MIB1: variants seen among roughly 807,000 people sequenced by gnomAD.
MIB1 encodes the protein MIB E3 ubiquitin protein ligase 1.
MIB1 carries 278 observed loss-of-function variants against 124.5 expected under a neutral mutation model. That is an observed-to-expected ratio of 2.23 (90% CI 2.02 to 2.47). The LOEUF (loss-of-function observed/expected upper bound fraction) is 2.47, where lower values mean the gene tolerates loss of function less well. Among genes scored for constraint, MIB1 ranks in the 30% most tolerant of loss-of-function variants. The probability of loss-of-function intolerance (pLI) is 0.00; values close to 1 mark genes in which losing one functional copy is unlikely to be tolerated. For synonymous variants in MIB1, 446 were observed against 429.4 expected (o/e 1.04, Z -0.48); for missense variants, 957 against 1,254.4 (o/e 0.76, Z 3.58).
chr18:21,740,682 C>T (rs2040834995), upstream of MIB1, among the ~76,000 whole-genome samples: 2 of 152,236 alleles, frequency 1.3e-5, no homozygotes, highest in African/African-American at 2.4e-5. Flanking sequence ...CGCGCGGCAC[C>T]ACCGGGCGGC....
Position 21,847,109 on chromosome 18 carries a change from C to CA in MIB1, c.2378dup (p.His793GlnfsTer2). On this transcript the variant is annotated frameshift_variant, in exon 16 of 21. Transcript: ENST00000261537. LOFTEE classifies it high-confidence loss of function. ...TCTCTGCAAAGCACTGGCAAAGTGTCATAAGGAAAAAGTCAGGTTTGTATT... is the reference window on the plus strand; with the variant it reads ...TCTCTGCAAAGCACTGGCAAAGTGTCAATAAGGAAAAAGTCAGGTTTGTATT... 1 of 1,613,718 alleles carries CA rather than the reference C, an allele frequency of 6.2e-7. No homozygotes were observed. The highest frequency in any genetic ancestry group is 8.5e-7 in the Non-Finnish European group (1 of 1,179,854).
chr18:21,834,584 T>A (rs2042010065), intron 12 of MIB1, among the ~76,000 whole-genome samples: 1 of 152,232 alleles, frequency 6.6e-6, no homozygotes, highest in Admixed American at 6.5e-5. Flanking sequence ...GTGATGTGAT[T>A]AAATGACACT....
At chr18:21,798,041 T>C in intron 7 of MIB1, 43 bp from the exon 8 acceptor site, 1 of 1,600,712 alleles carries the variant, frequency 6.2e-7, no homozygotes, top group Non-Finnish European at 8.5e-7. Flanking sequence ...CTTTATGGTA[T>C]ATACTTTAGA....
rs2041817035 is a variant in MIB1, at chr18:21,815,058, A to AT, written c.1480-558_1480-557insT. Among the ~76,000 whole-genome samples, 3 of 84,994 alleles carry AT rather than the reference A, an allele frequency of 3.5e-5. No individual in the cohort carries two copies. The South Asian group carries it at 1.1e-3, about 31-fold the overall frequency. 55.8% of individuals were successfully genotyped at this position (84,994 alleles called of 152,430 possible). A position where few individuals can be genotyped will look rare whatever the true frequency, so the allele number is the denominator to read the frequency against. ...ATATATATATATATATATATATATA[A>AT]AATTATATATAAATGTATATATATA... On this transcript the variant is annotated intron_variant, in intron 10 of 20. Coordinates refer to ENST00000261537, the MANE Select transcript of MIB1 (RefSeq NM_020774.4).
intron 1 of MIB1, among the ~76,000 whole-genome samples, chr18:21,706,373 C>T (rs1350060246): frequency 6.6e-6 from 1 of 152,296 alleles, no homozygotes; most frequent in African/African-American, 2.4e-5. Context: ...AGCCCTCGCT[C>T]GCTCTCAGCA....
intron 12 of MIB1, among the ~76,000 whole-genome samples, chr18:21,833,842 C>G (rs957026447): frequency 6.6e-6 from 1 of 152,182 alleles, no homozygotes; most frequent in South Asian, 2.1e-4. Context: ...TTCTTTGGCA[C>G]TATTCACAAA....
At chr18:21,771,781 G>T (rs2041226432) in intron 3 of MIB1, among the ~76,000 whole-genome samples, 1 of 151,948 alleles carries the variant, frequency 6.6e-6, no homozygotes, top group Non-Finnish European at 1.5e-5. Context: ...CAGATCACAA[G>T]ATCAGGAGTT....
At chr18:21,781,369 A>ATATATGTG (rs1484712437) in intron 6 of MIB1, among the ~76,000 whole-genome samples, 1 of 10,508 alleles carries the variant, frequency 9.5e-5, no homozygotes, top group East Asian at 3.4e-3. Context: ...TTCAAGTTAT[A>ATATATGTG]TATATATATA....
upstream of MIB1, among the ~76,000 whole-genome samples, chr18:21,740,359 C>T (rs1182470777): frequency 1.3e-5 from 2 of 152,226 alleles, no homozygotes; most frequent in Non-Finnish European, 2.9e-5. Context: ...TTGCTCACAA[C>T]ATTCCATACC....
intron 4 of MIB1, among the ~76,000 whole-genome samples, chr18:21,775,549 G>A (rs2041275273): frequency 6.6e-6 from 1 of 152,114 alleles, no homozygotes; most frequent in Non-Finnish European, 1.5e-5. Flanking sequence ...ACCAATTCAT[G>A]CCACTTATAT....
In MIB1 at chr18:21,838,496, A is replaced by G; in HGVS notation, c.1961A>G (p.Gln654Arg). 1 of 1,584,070 alleles carries G rather than the reference A, an allele frequency of 6.3e-7. No individual in the cohort carries two copies. The highest frequency in any genetic ancestry group is 8.6e-7 in the Non-Finnish European group (1 of 1,169,514). Reference protein sequence around the residue: ...HVEVAELLVHQGNANLDIQNV... With the variant: ...HVEVAELLVHRGNANLDIQNV... ...GAAGTGGCTGAACTGTTGGTACATC[A>G]GGTAAGAAAAGAGTTAAATAATTCC... is the stretch of plus-strand genomic sequence containing the variant. Residue 654 changes from glutamine to arginine, a missense_variant and splice_region_variant, in exon 13 of 21, where the codon CAG (glutamine) becomes CGG (arginine). Gln to Arg is a conservative substitution (Grantham distance 43). Transcript: ENST00000261537.
intron 12 of MIB1, among the ~76,000 whole-genome samples, chr18:21,824,885 CT>C (rs1466434178): frequency 6.6e-6 from 1 of 151,976 alleles, no homozygotes; most frequent in Non-Finnish European, 1.5e-5. Context: ...GTAATTGTCA[CT>C]TTTTTTCTTT....
chr18:21,808,225 C>T (rs2041730572), intron 10 of MIB1, among the ~76,000 whole-genome samples: 2 of 151,970 alleles, frequency 1.3e-5, no homozygotes, highest in African/African-American at 4.8e-5. Flanking sequence ...CATTTGGTAA[C>T]CTTTCTTTTT....
rs949513860 is a variant in MIB1 at position 21,869,116 on chromosome 18, T to C, written c.*4450T>C. 2.0e-5 allele frequency: 3 copies of C among 152,500 alleles called. No individual in the cohort carries two copies. Among genetic ancestry groups the C allele is most frequent in the African/African-American group, 7.2e-5 (3 of 41,456 alleles). 9.4% of individuals were successfully genotyped at this position (152,500 alleles called of 1,614,324 possible). On this transcript the variant is annotated 3_prime_UTR_variant, in exon 21 of 21. Transcript: ENST00000261537. ...AAGCAGTAGGTACAGGAGAAGTGAC[T>C]TGTCACATTAATTTGGTGCCTAAAT...
chr18:21,863,571 C>T (rs1028073529), intron 20 of MIB1, among the ~76,000 whole-genome samples: 1 of 152,172 alleles, frequency 6.6e-6, no homozygotes, highest in African/African-American at 2.4e-5. Flanking sequence ...CCAGTCATCC[C>T]TTTGAAGTCA....
rs1221195566 is a variant in MIB1 at position 21,869,579 on chromosome 18, G to A, written c.*4913G>A. On this transcript the variant is annotated 3_prime_UTR_variant, in exon 21 of 21. Coordinates refer to ENST00000261537, the MANE Select transcript of MIB1 (RefSeq NM_020774.4). Reference sequence around the variant, plus strand: ...TGCTGGGTTTGGGTAATTCTTTAAAGGAAGTTTTCTAGATTTGCACTTGAT... The same window carrying A: ...TGCTGGGTTTGGGTAATTCTTTAAAAGAAGTTTTCTAGATTTGCACTTGAT... 6.6e-6 allele frequency: 1 copy of A among 152,420 alleles called. No individual in the cohort carries two copies. Among genetic ancestry groups the A allele is most frequent in the Non-Finnish European group, 1.5e-5 (1 of 67,894 alleles). The allele number at this position is 152,420 out of a possible 1,614,324, so 9.4% of individuals were successfully genotyped here. A position where few individuals can be genotyped will look rare whatever the true frequency, so the allele number is the denominator to read the frequency against.
In MIB1 at chr18:21,798,167, C is replaced by G. The variant is rs748226232; in HGVS notation, c.1176C>G (p.Tyr392Ter). 3.1e-6 allele frequency: 5 copies of G among 1,613,172 alleles called. No homozygotes were observed. The highest frequency in any genetic ancestry group is 3.4e-6 in the Non-Finnish European group (4 of 1,179,428). ...AAGTTTGTGGAACATCTTGGACATACAATCCAGCAGCAGTTTCCAAGGTGG... is the reference window on the plus strand; with the variant it reads ...AAGTTTGTGGAACATCTTGGACATAGAATCCAGCAGCAGTTTCCAAGGTGG... The part of the protein sequence containing the change: ...KVEVCGTSWT[Y>*]NPAAVSKVAS... The change falls in exon 8 of 21, where the codon TAC becomes TAG. Residue 392 changes from tyrosine to a stop codon, truncating the protein, a stop_gained. Coordinates refer to ENST00000261537, the MANE Select transcript of MIB1 (RefSeq NM_020774.4). LOFTEE classifies it high-confidence loss of function.
At chr18:21,776,854 G>C (rs1359818211) in intron 4 of MIB1, among the ~76,000 whole-genome samples, 2 of 152,004 alleles carry the variant, frequency 1.3e-5, no homozygotes, top group East Asian at 3.9e-4. Flanking sequence ...GCATATGCCT[G>C]TATTCCCAGC....
chr18:21,784,645 A>G (rs1224750442), intron 6 of MIB1, among the ~76,000 whole-genome samples: 1 of 152,174 alleles, frequency 6.6e-6, no homozygotes, highest in Non-Finnish European at 1.5e-5. Flanking sequence ...AACCTAGGAA[A>G]GACCAGGCTA....
Sources: allele counts gnomAD v4.1 joint callset (sites outside exome capture counted in the v4.1 genomes callset), GRCh38; gene constraint gnomAD v4.1.1; transcripts MANE v1.5; gene names NCBI Gene and HGNC (gene_info 2026-07-23, HGNC 2026-07-21).